Variants in SHROOM2 observed in about 807,000 individuals in gnomAD.
SHROOM2 encodes the protein protein Shroom2.
In SHROOM2, 33 loss-of-function variants were observed where a neutral mutation model predicts 75.9. The ratio of observed to expected loss-of-function variants is 0.43; its 90% confidence interval spans 0.33 to 0.58. The LOEUF (loss-of-function observed/expected upper bound fraction) is 0.58. SHROOM2 is among the 20% of genes least tolerant of loss of function. The probability of loss-of-function intolerance (pLI) is 0.04; values close to 1 mark genes in which losing one functional copy is unlikely to be tolerated. For synonymous variants in SHROOM2, 655 were observed against 663.6 expected (o/e 0.99, Z 0.20); for missense variants, 1,434 against 1,461.2 (o/e 0.98, Z 0.30).
Position 9,828,253 on chromosome X carries a change from A to G in SHROOM2, c.165+41543A>G, listed in dbSNP as rs367886935. The stretch of plus-strand genomic sequence containing the variant: ...GGCGGGGGAATGCCCCCATTATCCA[A>G]TCACCTTCTACCTGGTCCGTCCCTT... On this transcript the variant is annotated intron_variant, in intron 1 of 9. Transcript: ENST00000380913. 8.9e-5 allele frequency among the ~76,000 whole-genome samples: 10 copies of G among 112,180 alleles called. No homozygotes were observed. The East Asian group carries it at 1.4e-3, about 16-fold the overall frequency.
intron 1 of SHROOM2, among the ~76,000 whole-genome samples, chrX:9,838,111 A>G (rs745543636): frequency 2.0e-5 from 2 of 98,462 alleles, no homozygotes; most frequent in East Asian, 6.5e-4. Context: ...CCCAGGCTGA[A>G]GTGCAGTGGC....
intron 2 of SHROOM2, among the ~76,000 whole-genome samples, chrX:9,890,228 G>A (rs1051493472): frequency 8.9e-6 from 1 of 111,763 alleles, no homozygotes; most frequent in African/African-American, 3.2e-5. Context: ...TTAGCTGGGC[G>A]TGGTGGTGAG....
At chrX:9,864,760 G>C in intron 1 of SHROOM2, among the ~76,000 whole-genome samples, 1 of 108,017 alleles carries the variant, frequency 9.3e-6, no homozygotes, top group Non-Finnish European at 1.9e-5. Context: ...GGGAGGCGGA[G>C]CTTGCAGTGA....
intron 1 of SHROOM2, chrX:9,819,473 G>T: frequency 3.4e-6 from 1 of 291,170 alleles, no homozygotes. Flanking sequence ...CAGACATTTT[G>T]GCTTATTGGT....
chrX:9,943,043 A>G (rs1260047657), intron 8 of SHROOM2, among the ~76,000 whole-genome samples: 2 of 109,989 alleles, frequency 1.8e-5, no homozygotes, highest in African/African-American at 6.6e-5. Context: ...CCTGGGCAAC[A>G]TGGAGAGACC....
chrX:9,830,061 A>G (rs2083907707), intron 1 of SHROOM2, among the ~76,000 whole-genome samples: 1 of 111,530 alleles, frequency 9.0e-6, no homozygotes, highest in African/African-American at 3.3e-5. Context: ...CCTCTCTCAC[A>G]CACAGTAAGA....
chrX:9,897,944 G>C (rs1172546270), intron 4 of SHROOM2, among the ~76,000 whole-genome samples: 2 of 112,453 alleles, frequency 1.8e-5, no homozygotes, highest in East Asian at 5.6e-4. Context: ...GCTGTAATTT[G>C]TGACCAGCTG....
intron 5 of SHROOM2, among the ~76,000 whole-genome samples, chrX:9,913,626 G>A (rs2084454264): frequency 8.9e-6 from 1 of 111,962 alleles, no homozygotes; most frequent in African/African-American, 3.3e-5. Context: ...CTGTCTCTTT[G>A]GTCTGCATTT....
At chrX:9,808,054 G>A (rs985568378) in intron 1 of SHROOM2, among the ~76,000 whole-genome samples, 1 of 111,379 alleles carries the variant, frequency 9.0e-6, no homozygotes, top group African/African-American at 3.3e-5. Context: ...TCTGTGGATT[G>A]TCTCCACAGC....
intron 1 of SHROOM2, among the ~76,000 whole-genome samples, 185 bp downstream of exon 1, chrX:9,786,895 C>T (rs1161234293): frequency 8.9e-6 from 1 of 111,863 alleles, no homozygotes; most frequent in Non-Finnish European, 1.9e-5. Flanking sequence ...GGCGGTTCCC[C>T]GCGCCTCGCA....
At chrX:9,857,736 C>T (rs2084079964) in intron 1 of SHROOM2, among the ~76,000 whole-genome samples, 1 of 111,189 alleles carries the variant, frequency 9.0e-6, no homozygotes, top group Admixed American at 9.5e-5. Flanking sequence ...CATTTGCAGA[C>T]ACAGGGAGAT....
intron 5 of SHROOM2, among the ~76,000 whole-genome samples, chrX:9,925,856 G>T (rs1360426619): frequency 1.8e-5 from 2 of 112,435 alleles, no homozygotes; most frequent in Non-Finnish European, 3.8e-5. Context: ...TAAAAATGAG[G>T]CAGTGCCGTT....
intron 1 of SHROOM2, among the ~76,000 whole-genome samples, chrX:9,834,298 G>A (rs1394652616): frequency 8.9e-6 from 1 of 112,405 alleles, no homozygotes; most frequent in Non-Finnish European, 1.9e-5. Context: ...GTCAGGAGGA[G>A]GTGGTGTCCT....
intron 1 of SHROOM2, among the ~76,000 whole-genome samples, chrX:9,802,834 G>C (rs185169187): frequency 7.8e-4 from 86 of 110,782 alleles, no homozygotes; most frequent in Non-Finnish European, 1.3e-3. Context: ...AGGTAACTTG[G>C]GCTGAGAGTG....
intron 1 of SHROOM2, among the ~76,000 whole-genome samples, chrX:9,829,548 G>T (rs184295151): frequency 5.4e-5 from 6 of 111,971 alleles, no homozygotes; most frequent in Non-Finnish European, 1.1e-4. Flanking sequence ...TACACACTCC[G>T]ATTCCTTTTC....
At chrX:9,825,467 T>C (rs1209203123) in intron 1 of SHROOM2, among the ~76,000 whole-genome samples, 4 of 112,512 alleles carry the variant, frequency 3.6e-5, no homozygotes, top group Non-Finnish European at 7.5e-5. Flanking sequence ...ATAAATTCAG[T>C]TGGGGCTGAC....
intron 8 of SHROOM2, among the ~76,000 whole-genome samples, chrX:9,942,917 C>T (rs948822970): frequency 3.6e-5 from 4 of 111,570 alleles, no homozygotes; most frequent in Non-Finnish European, 7.5e-5. Flanking sequence ...CCGCAGGACC[C>T]TTCAGGAATA....
chrX:9,862,498 G>A (rs567076839), intron 1 of SHROOM2, among the ~76,000 whole-genome samples: 47 of 110,752 alleles, frequency 4.2e-4, no homozygotes, highest in Middle Eastern at 9.4e-3. Context: ...TGTGGGACTC[G>A]GTGGAAAGCC....
intron 1 of SHROOM2, among the ~76,000 whole-genome samples, chrX:9,814,587 ATTGCCTCAGGGGAGGCCATCACTG>A (rs766083906): frequency 3.8e-4 from 42 of 111,155 alleles, no homozygotes; most frequent in African/African-American, 1.4e-3. Context: ...TTGCCTGGCA[ATTGCCTCAGGGGAGGCCATCACTG>A]TTGCCTCAGG....
Sources: allele counts gnomAD v4.1 joint callset (sites outside exome capture counted in the v4.1 genomes callset), GRCh38; gene constraint gnomAD v4.1.1; transcripts MANE v1.5; gene names NCBI Gene and HGNC (gene_info 2026-07-23, HGNC 2026-07-21).